Variants in IGDCC3 observed in about 807,000 individuals in gnomAD.
IGDCC3 encodes putative neuronal cell adhesion molecule.
A neutral mutation model predicts 72.0 loss-of-function variants in IGDCC3; 47 were observed. That is an observed-to-expected ratio of 0.65 (90% CI 0.52 to 0.83). The LOEUF (loss-of-function observed/expected upper bound fraction) is 0.83, where lower values mean the gene tolerates loss of function less well. Among genes scored for constraint, IGDCC3 ranks in the 40% least tolerant of loss-of-function variants. The pLI, the probability that IGDCC3 is intolerant of heterozygous loss-of-function variation, is 0.00. For missense variants in IGDCC3, 1,038 were observed against 1,091.3 expected (o/e 0.95, Z 0.69); for synonymous variants, 477 against 472.8 (o/e 1.01, Z -0.11).
intron 3 of IGDCC3, 22 bp downstream of exon 3, chr15:65,335,790 G>T: frequency 1.2e-6 from 2 of 1,613,666 alleles, no homozygotes; most frequent in Middle Eastern, 1.6e-4. Context: ...TCCTCCCTCT[G>T]TCTTTCCCAC....
In IGDCC3 at chr15:65,331,467, C is replaced by A. The variant is rs145775314; in HGVS notation, c.1341G>T (p.Pro447=). The part of the protein sequence containing the change: ...STEVRVSWSE[P]LANTKEIIGY... ...CGATGATCTCCTTGGTGTTGGCCAG[C>A]GGCTCACTCCAGGACACACGCACCT... Residue 447 remains proline, a synonymous_variant, in exon 8 of 14, where the codon CCG becomes CCT. Transcript: ENST00000327987. The A allele has an allele frequency of 5.6e-6, 9 of 1,613,074 alleles. No individual in the cohort carries two copies. The highest frequency in any genetic ancestry group is 1.1e-5 in the South Asian group (1 of 90,970).
At chr15:65,362,160 G>C (rs906086446) in intron 2 of IGDCC3, among the ~76,000 whole-genome samples, 2 of 151,986 alleles carry the variant, frequency 1.3e-5, no homozygotes, top group African/African-American at 4.8e-5. Flanking sequence ...GGAGAGCCGT[G>C]TTCAGGATGA....
intron 2 of IGDCC3, among the ~76,000 whole-genome samples, chr15:65,361,009 C>A (rs1387013414): frequency 6.6e-6 from 1 of 152,112 alleles, no homozygotes; most frequent in Non-Finnish European, 1.5e-5. Context: ...ACTCCTGACT[C>A]AAATGATACA....
At position 65,332,107 on chromosome 15, in the gene IGDCC3, C is replaced by T. The variant is rs1431024397; in HGVS notation, c.983-1G>A. 6.2e-7 allele frequency: 1 copy of T among 1,612,354 alleles called. No homozygotes were observed. Among genetic ancestry groups the T allele is most frequent in the Non-Finnish European group, 8.5e-7 (1 of 1,179,132 alleles). ...GGATGCTGCACAAACTCAGCTGGGG[C>T]TGCGAGTAGAGTCAGGAGGGTGGGG... On this transcript the variant is annotated splice_acceptor_variant, in intron 6 of 13. Coordinates refer to ENST00000327987, the MANE Select transcript of IGDCC3 (RefSeq NM_004884.4). LOFTEE classifies it high-confidence loss of function.
intron 2 of IGDCC3, among the ~76,000 whole-genome samples, chr15:65,368,540 C>T (rs887462713): frequency 6.6e-6 from 1 of 152,036 alleles, no homozygotes; most frequent in Non-Finnish European, 1.5e-5. Context: ...TGAGTGGAGG[C>T]CCTGCACACA....
chr15:65,333,906 C>A lies in IGDCC3; in HGVS notation c.824-491G>T, dbSNP rs531488548. ...AGATCATGCTTTGGGAAATGTTGGACCAGATGGTCCCTGGAGTGCCTAGAG... is the reference window on the plus strand; with the variant it reads ...AGATCATGCTTTGGGAAATGTTGGAACAGATGGTCCCTGGAGTGCCTAGAG... On this transcript the variant is annotated intron_variant, in intron 5 of 13. Coordinates refer to ENST00000327987, the MANE Select transcript of IGDCC3 (RefSeq NM_004884.4). 5.3e-5 allele frequency among the ~76,000 whole-genome samples: 8 copies of A among 152,268 alleles called. No homozygotes were observed. The East Asian group carries it at 1.5e-3, about 29-fold the overall frequency.
Position 65,331,455 on chromosome 15 carries a change from G to A in IGDCC3, c.1353C>T (p.Thr451=). The change falls in exon 8 of 14, where the codon ACC becomes ACT. Residue 451 remains threonine, a synonymous_variant. Coordinates refer to ENST00000327987, the MANE Select transcript of IGDCC3 (RefSeq NM_004884.4). ...GCAGGACGTAGCCGATGATCTCCTT[G>A]GTGTTGGCCAGCGGCTCACTCCAGG... is the stretch of plus-strand genomic sequence containing the variant. ...RVSWSEPLAN[T]KEIIGYVLHI... The A allele has an allele frequency of 6.2e-7, 1 of 1,612,868 alleles. No homozygotes were observed.
At chr15:65,363,256 C>T (rs2091272145) in intron 2 of IGDCC3, among the ~76,000 whole-genome samples, 2 of 152,200 alleles carry the variant, frequency 1.3e-5, no homozygotes, top group Admixed American at 6.5e-5. Flanking sequence ...AAAGGATGCT[C>T]ATGGCAGACA....
At position 65,334,873 on chromosome 15, in the gene IGDCC3, G is replaced by A; in HGVS notation, c.686-8C>T. On this transcript the variant is annotated splice_region_variant and splice_polypyrimidine_tract_variant and intron_variant, in intron 4 of 13. Transcript: ENST00000327987. ...AGGCCCCAGAGCCCGAGCCTGGGAG[G>A]AAGACGCCACATATCCTCACTTCAG... is the stretch of plus-strand genomic sequence containing the variant. The A allele has an allele frequency of 6.2e-7, 1 of 1,609,590 alleles. No individual in the cohort carries two copies. The highest frequency in any genetic ancestry group is 8.5e-7 in the Non-Finnish European group (1 of 1,178,086).
chr15:65,370,974 A>G lies in IGDCC3; in HGVS notation c.409+4123T>C, dbSNP rs375542650. 7.3e-5 allele frequency among the ~76,000 whole-genome samples: 11 copies of G among 150,424 alleles called. 1 individual carries two copies. Among genetic ancestry groups the G allele is most frequent in the African/African-American group, 2.7e-4 (11 of 40,574 alleles). ...CTCAGAGAGGTGAAGTGACTTGGCCAAGATCTCACAGCTAGCAGGTGGTGG... is the reference window on the plus strand; with the variant it reads ...CTCAGAGAGGTGAAGTGACTTGGCCGAGATCTCACAGCTAGCAGGTGGTGG... On this transcript the variant is annotated intron_variant, in intron 2 of 13. Transcript: ENST00000327987.
rs2090971863 is a variant in IGDCC3, at chr15:65,330,945, C to T, written c.1561+105G>A. The T allele has an allele frequency of 3.7e-6, 5 of 1,367,398 alleles. No homozygotes were observed. In the African/African-American group the frequency reaches 4.3e-5, roughly 12 times the overall value. The allele number at this position is 1,367,398 out of a possible 1,614,324, so 84.7% of individuals were successfully genotyped here. On this transcript the variant is annotated intron_variant, in intron 9 of 13. Transcript: ENST00000327987. ...AGACTCAGCCCTGACAGCCTCAGGG[C>T]CGGGCACCCTGCACAGCGCACAACC... is the stretch of plus-strand genomic sequence containing the variant.
chr15:65,367,893 A>G (rs191728062), intron 2 of IGDCC3, among the ~76,000 whole-genome samples: 62 of 152,108 alleles, frequency 4.1e-4, no homozygotes, highest in Non-Finnish European at 7.4e-4. Flanking sequence ...GTATGCTCAG[A>G]CCCACCTGGC....
At chr15:65,367,801 G>T (rs950144731) in intron 2 of IGDCC3, among the ~76,000 whole-genome samples, 38 of 152,072 alleles carry the variant, frequency 2.5e-4, no homozygotes, top group Admixed American at 5.2e-4. Context: ...CTGCTCAAGG[G>T]AAGAGGGATT....
In IGDCC3 at chr15:65,334,786, C is replaced by T. The variant is rs139312062; in HGVS notation, c.765G>A (p.Ala255=). 7.1e-5 allele frequency: 115 copies of T among 1,610,476 alleles called. No individual in the cohort carries two copies. The African/African-American group carries it at 1.1e-3, about 15-fold the overall frequency. Reference sequence around the variant, plus strand: ...TGCCCGTGGCGACACACTCAAGCACCGCGGTCTGGTGCACTGTCAGGGTGA... The same window carrying T: ...TGCCCGTGGCGACACACTCAAGCACTGCGGTCTGGTGCACTGTCAGGGTGA... ...ENLTLTVHQT[A]VLECVATGNP... is the part of the protein sequence containing the mutation. The change falls in exon 5 of 14, where the codon GCG becomes GCA. Residue 255 remains alanine, a synonymous_variant. Coordinates refer to ENST00000327987, the MANE Select transcript of IGDCC3 (RefSeq NM_004884.4).
intron 2 of IGDCC3, among the ~76,000 whole-genome samples, chr15:65,344,519 G>A (rs1164181379): frequency 1.3e-5 from 2 of 152,218 alleles, no homozygotes; most frequent in Non-Finnish European, 2.9e-5. Flanking sequence ...CAGGGGCCTG[G>A]ATGGGGGAGA....
intron 4 of IGDCC3, 56 bp downstream of exon 4, chr15:65,335,235 G>GGGA: frequency 1.3e-6 from 2 of 1,557,126 alleles, no homozygotes; most frequent in East Asian, 2.2e-5. Context: ...TCTAAGGGTA[G>GGGA]GGAGGAGGAG....
intron 2 of IGDCC3, among the ~76,000 whole-genome samples, chr15:65,337,424 T>A (rs968542738): frequency 4.6e-5 from 7 of 152,110 alleles, no homozygotes; most frequent in Non-Finnish European, 1.0e-4. Context: ...GCGGCGGGTG[T>A]GTACCTCTGG....
chr15:65,376,299 G>T (rs2091358465), intron 1 of IGDCC3, among the ~76,000 whole-genome samples: 2 of 152,368 alleles, frequency 1.3e-5, no homozygotes, highest in African/African-American at 4.8e-5. Flanking sequence ...TGGGGTTAAG[G>T]CCAATCAGAG....
chr15:65,365,106 G>A (rs1212012413), intron 2 of IGDCC3, among the ~76,000 whole-genome samples: 1 of 152,148 alleles, frequency 6.6e-6, no homozygotes, highest in East Asian at 1.9e-4. Flanking sequence ...TTCCAAGTCT[G>A]TAAAATGAGA....
Sources: allele counts gnomAD v4.1 joint callset (sites outside exome capture counted in the v4.1 genomes callset), GRCh38; gene constraint gnomAD v4.1.1; transcripts MANE v1.5; gene names NCBI Gene and HGNC (gene_info 2026-07-23, HGNC 2026-07-21).